Variants in POMT2 observed in about 807,000 individuals in gnomAD.
POMT2 encodes the protein protein O-mannosyltransferase 2.
In POMT2, 75 loss-of-function variants were observed where a neutral mutation model predicts 100.0. The ratio of observed to expected loss-of-function variants is 0.75; its 90% CI spans 0.62 to 0.91. POMT2 has a LOEUF of 0.91. Among genes scored for constraint, POMT2 ranks in the 40% least tolerant of loss-of-function variants. The pLI, the probability that POMT2 is intolerant of heterozygous loss-of-function variation, is 0.00. For synonymous variants in POMT2, 378 were observed against 374.1 expected (o/e 1.01, Z -0.12); for missense variants, 940 against 955.1 (o/e 0.98, Z 0.21).
chr14:77,300,958 G>A, intron 6 of POMT2, 132 bp downstream of exon 6: 4 of 1,571,458 alleles, frequency 2.5e-6, no homozygotes, highest in Non-Finnish European at 3.5e-6. Context: ...CGGAGGTTGG[G>A]GGGTCCAGCC....
chr14:77,310,246 A>T (rs1271013301), intron 2 of POMT2, among the ~76,000 whole-genome samples: 1 of 152,208 alleles, frequency 6.6e-6, no homozygotes, highest in Non-Finnish European at 1.5e-5. Flanking sequence ...TGTCATGATT[A>T]AGAGAGAAGG....
intron 8 of POMT2, among the ~76,000 whole-genome samples, chr14:77,297,101 G>A (rs1337847859): frequency 3.3e-5 from 5 of 152,266 alleles, no homozygotes; most frequent in Admixed American, 3.3e-4. Context: ...TTAAAGAGAG[G>A]ACGACTTGAT....
rs1890060113 is a variant in POMT2 at position 77,278,397 on chromosome 14, T to C, written c.2144A>G (p.Tyr715Cys). The change falls in exon 20 of 21, where the codon TAC (tyrosine) becomes TGC (cysteine). Residue 715 changes from tyrosine (Y) to cysteine (C), a missense_variant. Transcript: ENST00000261534. ...GILSLLLGTA[Y>C]SFYLFHPLAY... Reference sequence around the variant, plus strand: ...TGTGAGGTGCAGAGATGCTCACCTGTAGGCAGTTCCCAGGAGCAGGCTCAG... The same window carrying C: ...TGTGAGGTGCAGAGATGCTCACCTGCAGGCAGTTCCCAGGAGCAGGCTCAG... 4.8e-6 allele frequency: 7 copies of C among 1,463,516 alleles called. No homozygotes were observed. Among genetic ancestry groups the C allele is most frequent in the African/African-American group, 1.4e-5 (1 of 70,956 alleles). 90.7% of individuals were successfully genotyped at this position (1,463,516 alleles called of 1,614,324 possible).
intron 2 of POMT2, chr14:77,308,879 G>A: frequency 2.7e-6 from 1 of 375,318 alleles, no homozygotes; most frequent in Non-Finnish European, 5.2e-6. Flanking sequence ...TATGTACAAG[G>A]ATGTTCACTG....
At chr14:77,284,246 T>G (rs1442982285) in intron 14 of POMT2, 1 of 332,822 alleles carries the variant, frequency 3.0e-6, no homozygotes, top group Non-Finnish European at 5.8e-6. Flanking sequence ...GAGGAATAAA[T>G]CATTCTGGAC....
At chr14:77,313,330 G>A (rs1342159831) in intron 1 of POMT2, among the ~76,000 whole-genome samples, 1 of 152,258 alleles carries the variant, frequency 6.6e-6, no homozygotes, top group Admixed American at 6.5e-5. Context: ...TTGACAGGCA[G>A]TGAGGACATT....
At chr14:77,281,139 T>TA (rs1555352135) in intron 15 of POMT2, among the ~76,000 whole-genome samples, 9 of 132,434 alleles carry the variant, frequency 6.8e-5, no homozygotes, top group African/African-American at 1.3e-4. Flanking sequence ...AATAAATAAA[T>TA]AATAAGGCTT....
chr14:77,294,024 G>A (rs751679887), intron 9 of POMT2, among the ~76,000 whole-genome samples: 17 of 152,180 alleles, frequency 1.1e-4, no homozygotes, highest in Middle Eastern at 6.8e-3. Flanking sequence ...ATAATGCATG[G>A]GCCTCATCCT....
chr14:77,300,195 T>C (rs1200598637), intron 6 of POMT2: 1 of 161,388 alleles, frequency 6.2e-6, no homozygotes, highest in Non-Finnish European at 1.4e-5. Flanking sequence ...AATGAATGAA[T>C]AAACTTGTTA....
At position 77,301,244 on chromosome 14, in the gene POMT2, A is replaced by T. The variant is rs772895807; in HGVS notation, c.662T>A (p.Phe221Tyr). 31 of 1,614,018 alleles carry T rather than the reference A, an allele frequency of 1.9e-5. No individual in the cohort carries two copies. Among genetic ancestry groups the T allele is most frequent in the Non-Finnish European group, 2.4e-5 (28 of 1,180,024 alleles). The part of the protein sequence containing the change: ...VKYNSCADRP[F>Y]SAPWWFWLSL... Reference sequence around the variant, plus strand: ...GAGCCAGAACCACCAGGGGGCAGAGAAGGGCCTGAAAATCAACAAGACGGA... The same window carrying T: ...GAGCCAGAACCACCAGGGGGCAGAGTAGGGCCTGAAAATCAACAAGACGGA... The change falls in exon 6 of 21, where the codon TTC becomes TAC. Residue 221 changes from phenylalanine (F) to tyrosine (Y), a missense_variant. Coordinates refer to ENST00000261534, the MANE Select transcript of POMT2 (RefSeq NM_013382.7).
Position 77,320,520 on chromosome 14 carries a change from C to A in POMT2, c.162G>T (p.Ala54=), listed in dbSNP as rs2270420. 0.067 allele frequency: 104,600 copies of A among 1,553,826 alleles called. 4,377 individuals carry two copies. The highest frequency in any genetic ancestry group is 0.22 in the East Asian group (9,306 of 41,708). ...AGGCCAGCAGGGCCCACCAGCCGAC[C>A]GCCTCGAAGCGCCGTGAGCCCCAAG... ...RPAWGSRRFE[A]VGWWALLALV... Residue 54 remains alanine (A), a synonymous_variant, in exon 1 of 21, where the codon GCG becomes GCT. Transcript: ENST00000261534.
Position 77,277,273 on chromosome 14 carries a change from G to T in POMT2, c.*103C>A. 2.0e-6 allele frequency: 2 copies of T among 982,318 alleles called. No individual in the cohort carries two copies. The highest frequency in any genetic ancestry group is 1.4e-5 in the South Asian group (1 of 73,928). 60.9% of individuals were successfully genotyped at this position (982,318 alleles called of 1,614,324 possible). On this transcript the variant is annotated 3_prime_UTR_variant, in exon 21 of 21. Coordinates refer to ENST00000261534, the MANE Select transcript of POMT2 (RefSeq NM_013382.7). ...GTCCTGGTGAGCAGCAGAATTCTTC[G>T]GGCTCCTTAGGCAGCTTCCTCATGG... is the stretch of plus-strand genomic sequence containing the variant.
At chr14:77,290,107 T>C (rs1204426470) in intron 10 of POMT2, among the ~76,000 whole-genome samples, 1 of 152,208 alleles carries the variant, frequency 6.6e-6, no homozygotes, top group Non-Finnish European at 1.5e-5. Context: ...GGGGCATTTA[T>C]AGCCTTCAAG....
chr14:77,283,403 C>T (rs772755507), intron 15 of POMT2, among the ~76,000 whole-genome samples: 2 of 152,258 alleles, frequency 1.3e-5, no homozygotes, highest in Non-Finnish European at 2.9e-5. Context: ...TAAAAGCCTA[C>T]CAGCCTGGCT....
intron 2 of POMT2, among the ~76,000 whole-genome samples, chr14:77,311,261 C>T (rs78441743): frequency 0.026 from 4,027 of 152,294 alleles, 70 homozygotes; most frequent in Non-Finnish European, 0.038. Context: ...GAAGTCAGCC[C>T]CATATGGATA....
At position 77,299,507 on chromosome 14, in the gene POMT2, G is replaced by C. The variant is rs764015186; in HGVS notation, c.871C>G (p.Leu291Val). 3.6e-5 allele frequency: 58 copies of C among 1,614,046 alleles called. No homozygotes were observed. The East Asian group carries it at 1.0e-3, about 28-fold the overall frequency. Residue 291 changes from leucine to valine, a missense_variant, in exon 7 of 21, where the codon CTG (leucine) becomes GTG (valine). By Grantham distance (32) the Leu-to-Val change is conservative. Coordinates refer to ENST00000261534, the MANE Select transcript of POMT2 (RefSeq NM_013382.7). The part of the protein sequence containing the change: ...ARVLCLIVLP[L>V]ALYTATFAVH... ...GCAAAGGTGGCTGTATAGAGAGCCA[G>C]GGGCAGCACTATGAGGCACAGGACA...
chr14:77,294,255 G>A (rs920068554), intron 9 of POMT2, among the ~76,000 whole-genome samples: 2 of 152,200 alleles, frequency 1.3e-5, no homozygotes, highest in Non-Finnish European at 2.9e-5. Flanking sequence ...ATTCCCACGT[G>A]TTGTGGGAGG....
At position 77,286,734 on chromosome 14, in the gene POMT2, GCTTA is replaced by G. The variant is rs781093215; in HGVS notation, c.1332+6_1332+9del. 6.1e-4 allele frequency: 979 copies of G among 1,613,996 alleles called. 1 individual carries two copies. Among genetic ancestry groups the G allele is most frequent in the Non-Finnish European group, 7.7e-4 (913 of 1,180,020 alleles). On this transcript the variant is annotated splice_donor_region_variant and intron_variant, in intron 12 of 20. Coordinates refer to ENST00000261534, the MANE Select transcript of POMT2 (RefSeq NM_013382.7). ...TTTACGTCCTACTCACATCCCCGTTGCTTACTTACTATGCCATAGCCGGTGACCT... is the reference window on the plus strand; with the variant it reads ...TTTACGTCCTACTCACATCCCCGTTGCTTACTATGCCATAGCCGGTGACCT...
chr14:77,312,186 T>C (rs1891460758), intron 1 of POMT2, 153 bp from the exon 2 acceptor site: 2 of 1,313,106 alleles, frequency 1.5e-6, no homozygotes, highest in African/African-American at 1.5e-5. Flanking sequence ...ACACAAGTGA[T>C]TTTAGGAAGA....
Sources: allele counts gnomAD v4.1 joint callset (sites outside exome capture counted in the v4.1 genomes callset), GRCh38; gene constraint gnomAD v4.1.1; transcripts MANE v1.5; gene names NCBI Gene and HGNC (gene_info 2026-07-23, HGNC 2026-07-21).